The following LHFPL2 variants were observed in gnomAD, a reference collection of about 807,000 sequenced individuals.
The protein encoded by LHFPL2 is LHFPL tetraspan subfamily member 2 protein.
Under a neutral mutation model 17.5 loss-of-function variants are expected in LHFPL2, and 7 were observed. That is an observed-to-expected ratio of 0.40 (90% confidence interval 0.23 to 0.75). LHFPL2 has a LOEUF of 0.75. LHFPL2 is among the 30% of genes least tolerant of loss of function. The probability of loss-of-function intolerance (pLI) is 0.37; values close to 1 mark genes in which losing one functional copy is unlikely to be tolerated. For missense variants in LHFPL2, 241 were observed against 294.8 expected (o/e 0.82, Z 1.34); for synonymous variants, 134 against 116.2 (o/e 1.15, Z -0.99).
intron 3 of LHFPL2, among the ~76,000 whole-genome samples, chr5:78,524,742 C>CA (rs34179854): frequency 0.27 from 31,294 of 117,576 alleles, 3,829 homozygotes; most frequent in Admixed American, 0.33. Context: ...ACCCTGTTCT[C>CA]AAAAAAAAAA....
intron 3 of LHFPL2, among the ~76,000 whole-genome samples, chr5:78,513,704 G>C (rs1232685319): frequency 6.6e-6 from 1 of 152,124 alleles, no homozygotes; most frequent in Non-Finnish European, 1.5e-5. Context: ...AGTCTCACAA[G>C]ATCTGGTGGT....
intron 2 of LHFPL2, among the ~76,000 whole-genome samples, chr5:78,615,251 G>T (rs886453965): frequency 1.5e-4 from 23 of 152,108 alleles, no homozygotes; most frequent in Middle Eastern, 6.3e-3. Context: ...TCCTGTCCCA[G>T]TTGAGAACCA....
In LHFPL2 at chr5:78,590,441, A is replaced by AT. The variant is rs562512399; in HGVS notation, c.-244-25571dup. Among the ~76,000 whole-genome samples the AT allele has an allele frequency of 3.5e-3, 526 of 152,230 alleles. 4 individuals are homozygous for AT. The highest frequency in any genetic ancestry group is 0.012 in the African/African-American group (506 of 41,522). ...ATCATTTTTCCTTCTGATTTCACATATTTTTTTAACAACTAATAAATACTA... is the reference window on the plus strand; with the variant it reads ...ATCATTTTTCCTTCTGATTTCACATATTTTTTTTAACAACTAATAAATACTA... On this transcript the variant is annotated intron_variant, in intron 2 of 4. Coordinates refer to ENST00000380345, the MANE Select transcript of LHFPL2 (RefSeq NM_005779.3).
At chr5:78,625,891 C>G (rs1745016688) in intron 2 of LHFPL2, 1 of 152,274 alleles carries the variant, frequency 6.6e-6, no homozygotes, top group African/African-American at 2.4e-5. Flanking sequence ...AAGTCTCTCC[C>G]AGCTTTCCTA....
chr5:78,539,104 G>T (rs888954078), intron 3 of LHFPL2, among the ~76,000 whole-genome samples: 6 of 152,164 alleles, frequency 3.9e-5, no homozygotes, highest in East Asian at 1.9e-4. Context: ...ATTAAGTCAT[G>T]AGAGTCCCAC....
At chr5:78,589,213 G>A (rs1359413755) in intron 2 of LHFPL2, among the ~76,000 whole-genome samples, 1 of 152,142 alleles carries the variant, frequency 6.6e-6, no homozygotes. Context: ...GCTCACGCCT[G>A]TAATCCCAGC....
intron 1 of LHFPL2, among the ~76,000 whole-genome samples, chr5:78,633,432 C>T (rs761295591): frequency 2.0e-5 from 3 of 152,240 alleles, no homozygotes; most frequent in African/African-American, 4.8e-5. Flanking sequence ...CACCTGGGAA[C>T]GTGTCAGAAA....
At chr5:78,548,894 CAGATT>C (rs1400312281) in intron 3 of LHFPL2, 2 of 152,218 alleles carry the variant, frequency 1.3e-5, no homozygotes, top group African/African-American at 4.8e-5. Context: ...TAGAAAGTAT[CAGATT>C]AGATAAGAAA....
At chr5:78,607,420 T>C (rs1173470017) in intron 2 of LHFPL2, among the ~76,000 whole-genome samples, 4 of 152,198 alleles carry the variant, frequency 2.6e-5, no homozygotes, top group Non-Finnish European at 5.9e-5. Flanking sequence ...GCCAATGTAG[T>C]GTATCTTCTA....
chr5:78,502,081 C>T (rs1427739419), intron 4 of LHFPL2, among the ~76,000 whole-genome samples: 3 of 152,010 alleles, frequency 2.0e-5, no homozygotes, highest in African/African-American at 7.2e-5. Context: ...ACTAAAAATA[C>T]TCCCATGATA....
chr5:78,570,044 A>G (rs1337835582), intron 2 of LHFPL2, among the ~76,000 whole-genome samples: 1 of 152,212 alleles, frequency 6.6e-6, no homozygotes, highest in Non-Finnish European at 1.5e-5. Context: ...GACCATGTTC[A>G]TTCACATAAT....
intron 3 of LHFPL2, among the ~76,000 whole-genome samples, chr5:78,514,103 C>T (rs968370492): frequency 2.6e-5 from 4 of 152,202 alleles, no homozygotes; most frequent in Admixed American, 1.3e-4. Flanking sequence ...GGATACGAGG[C>T]ACAGCCCTCT....
At chr5:78,604,421 G>A (rs1315558903) in intron 2 of LHFPL2, among the ~76,000 whole-genome samples, 2 of 152,188 alleles carry the variant, frequency 1.3e-5, no homozygotes, top group Non-Finnish European at 2.9e-5. Flanking sequence ...AGGTTGCAGC[G>A]AGCTGAGATC....
intron 3 of LHFPL2, among the ~76,000 whole-genome samples, chr5:78,552,024 G>A (rs1756456772): frequency 6.6e-6 from 1 of 152,108 alleles, no homozygotes; most frequent in Admixed American, 6.5e-5. Flanking sequence ...GCACAAAAAT[G>A]GGCAATTTCC....
At chr5:78,527,520 A>G (rs1755656104) in intron 3 of LHFPL2, among the ~76,000 whole-genome samples, 1 of 152,042 alleles carries the variant, frequency 6.6e-6, no homozygotes, top group African/African-American at 2.4e-5. Context: ...ACTCAAAAGG[A>G]TCAGAAATTT....
At chr5:78,622,244 A>C (rs977457499) in intron 2 of LHFPL2, among the ~76,000 whole-genome samples, 1 of 152,148 alleles carries the variant, frequency 6.6e-6, no homozygotes, top group African/African-American at 2.4e-5. Context: ...CAGCTACCTA[A>C]ACGCTCTGAG....
Position 78,609,194 on chromosome 5 carries a change from T to C in LHFPL2, c.-245+23070A>G, listed in dbSNP as rs558559209. On this transcript the variant is annotated intron_variant, in intron 2 of 4. Coordinates refer to ENST00000380345, the MANE Select transcript of LHFPL2 (RefSeq NM_005779.3). The stretch of plus-strand genomic sequence containing the variant: ...TATAAGAGATTGTGGCCAGGTACAG[T>C]GGTTCATGCCTATAATCCCAACAGT... 2.0e-5 allele frequency among the ~76,000 whole-genome samples: 3 copies of C among 152,122 alleles called. No individual in the cohort carries two copies. The East Asian group carries it at 5.8e-4, about 29-fold the overall frequency.
At position 78,638,136 on chromosome 5, in the gene LHFPL2, C is replaced by T. The variant is rs368155164; in HGVS notation, c.-349-5768G>A. Among the ~76,000 whole-genome samples, 168 of 152,200 alleles carry T rather than the reference C, an allele frequency of 1.1e-3. 3 individuals carry two copies. In the South Asian group the frequency reaches 0.016, roughly 14 times the overall value. The stretch of plus-strand genomic sequence containing the variant: ...TTGGGAGGCCGAGGCAGGTGGATCA[C>T]GAGGTCAGGAGATTGAGACCATCCT... On this transcript the variant is annotated intron_variant, in intron 1 of 4. Coordinates refer to ENST00000380345, the MANE Select transcript of LHFPL2 (RefSeq NM_005779.3).
chr5:78,623,292 C>T (rs6883870), intron 2 of LHFPL2, among the ~76,000 whole-genome samples: 61,843 of 151,970 alleles, frequency 0.41, 14,198 homozygotes, highest in African/African-American at 0.64. Context: ...TGGAATCTTA[C>T]GAATACAGAA....
Sources: gnomAD v4.1 joint callset for allele counts (sites outside exome capture counted in the v4.1 genomes callset) on GRCh38, gnomAD v4.1.1 for gene constraint, MANE v1.5 for transcripts, NCBI Gene and HGNC (gene_info 2026-07-23, HGNC 2026-07-21) for gene names.